The following PSMF1 variants were observed in gnomAD, a reference collection of about 807,000 sequenced individuals.
PSMF1 encodes proteasome inhibitor subunit 1.
A neutral mutation model predicts 29.3 loss-of-function variants in PSMF1; 30 were observed. The observed-to-expected ratio is 1.02, with a 90% CI of 0.77 to 1.39. PSMF1 has a LOEUF of 1.39. Among genes scored for constraint, PSMF1 ranks in the 40% most tolerant of loss-of-function variants. The pLI is 0.00. For missense variants in PSMF1, 344 were observed against 357.5 expected (o/e 0.96, Z 0.31); for synonymous variants, 134 against 139.7 (o/e 0.96, Z 0.29).
chr20:1,127,136 G>A (rs572752223), intron 2 of PSMF1, among the ~76,000 whole-genome samples: 1 of 152,170 alleles, frequency 6.6e-6, no homozygotes, highest in African/African-American at 2.4e-5. Flanking sequence ...TTGCTCACCT[G>A]CAGATCAAAG....
rs371711512 is a variant in PSMF1 at position 1,170,133 on chromosome 20, T to G, written c.*5053T>G. 4.0e-4 allele frequency among the ~76,000 whole-genome samples: 61 copies of G among 152,302 alleles called. No individual in the cohort carries two copies. The South Asian group carries it at 8.1e-3, about 20-fold the overall frequency. Reference sequence around the variant, plus strand: ...AGGGGAAGACCTACCTCCTTGTTACTCAGACCACCAGCAACAGCAGCATCA... The same window carrying G: ...AGGGGAAGACCTACCTCCTTGTTACGCAGACCACCAGCAACAGCAGCATCA... On this transcript the variant is annotated 3_prime_UTR_variant, in exon 7 of 7. Coordinates refer to ENST00000335877, the MANE Select transcript of PSMF1 (RefSeq NM_006814.5).
At chr20:1,156,294 G>A (rs1211807562) in intron 4 of PSMF1, among the ~76,000 whole-genome samples, 1 of 152,094 alleles carries the variant, frequency 6.6e-6, no homozygotes, top group East Asian at 1.9e-4. Context: ...TCTAACATTG[G>A]GGCCACTGGA....
chr20:1,138,041 T>C (rs1477250386), intron 4 of PSMF1, among the ~76,000 whole-genome samples: 1 of 152,186 alleles, frequency 6.6e-6, no homozygotes, highest in East Asian at 1.9e-4. Context: ...TATTTTTTGG[T>C]ATGTTAAAAA....
intron 1 of PSMF1, among the ~76,000 whole-genome samples, chr20:1,119,311 G>T (rs550250723): frequency 1.2e-4 from 19 of 152,188 alleles, no homozygotes; most frequent in Admixed American, 1.2e-3. Context: ...ACTCAGTTCC[G>T]CCCTCATACC....
chr20:1,124,327 C>T (rs748254691), intron 1 of PSMF1, among the ~76,000 whole-genome samples: 4 of 152,062 alleles, frequency 2.6e-5, no homozygotes, highest in East Asian at 1.9e-4. Context: ...GACATCACAA[C>T]TCACAATAAA....
intron 4 of PSMF1, among the ~76,000 whole-genome samples, chr20:1,155,454 G>A (rs935704468): frequency 3.9e-5 from 6 of 152,138 alleles, no homozygotes; most frequent in African/African-American, 1.4e-4. Flanking sequence ...ACTTGATGTT[G>A]GACACAGGCA....
At chr20:1,141,431 A>G (rs139533114) in intron 4 of PSMF1, among the ~76,000 whole-genome samples, 281 of 152,360 alleles carry the variant, frequency 1.8e-3, no homozygotes, top group African/African-American at 6.4e-3. Flanking sequence ...CCTTCAGATC[A>G]AACCATAGTC....
At chr20:1,159,374 T>A (rs1315625086) in intron 4 of PSMF1, among the ~76,000 whole-genome samples, 1 of 152,004 alleles carries the variant, frequency 6.6e-6, no homozygotes, top group Non-Finnish European at 1.5e-5. Context: ...CTGGCCAGGC[T>A]GGTCTCGAAC....
At position 1,156,826 on chromosome 20, in the gene PSMF1, A is replaced by C. The variant is rs570260585; in HGVS notation, c.552-6304A>C. Among the ~76,000 whole-genome samples the C allele has an allele frequency of 1.2e-4, 19 of 152,366 alleles. No homozygotes were observed. In the South Asian group the frequency reaches 3.3e-3, roughly 27 times the overall value. On this transcript the variant is annotated intron_variant, in intron 4 of 6. Transcript: ENST00000335877. ...ATGGAAACTTCAAACATCAGGTATA[A>C]AAGAAGAGTGGTAGAAATGGTAAAT...
chr20:1,165,711 C>A lies in PSMF1; in HGVS notation c.*631C>A. ...CCATAGGCCACAAGAATGACTTTCACAAGGGCAGGAACATTGTGGAAAGAC... is the reference window on the plus strand; with the variant it reads ...CCATAGGCCACAAGAATGACTTTCAAAAGGGCAGGAACATTGTGGAAAGAC... On this transcript the variant is annotated 3_prime_UTR_variant, in exon 7 of 7. Transcript: ENST00000335877. The A allele has an allele frequency of 5.0e-6, 5 of 1,000,906 alleles. No individual in the cohort carries two copies. Among genetic ancestry groups the A allele is most frequent in the Non-Finnish European group, 6.0e-6 (5 of 838,490 alleles). 62.0% of individuals were successfully genotyped at this position (1,000,906 alleles called of 1,614,324 possible). A position where few individuals can be genotyped will look rare whatever the true frequency, so the allele number is the denominator to read the frequency against.
intron 4 of PSMF1, among the ~76,000 whole-genome samples, chr20:1,138,538 A>G (rs1009523136): frequency 7.0e-6 from 1 of 143,554 alleles, no homozygotes; most frequent in Non-Finnish European, 1.5e-5. Context: ...AAAAAAAAAT[A>G]CAACAAAGGA....
In PSMF1 at chr20:1,166,273, G is replaced by A; in HGVS notation, c.*1193G>A. 6.2e-7 allele frequency: 1 copy of A among 1,611,208 alleles called. No homozygotes were observed. The highest frequency in any genetic ancestry group is 8.5e-7 in the Non-Finnish European group (1 of 1,178,830). On this transcript the variant is annotated 3_prime_UTR_variant, in exon 7 of 7. Coordinates refer to ENST00000335877, the MANE Select transcript of PSMF1 (RefSeq NM_006814.5). Reference sequence around the variant, plus strand: ...GCAGTGATGAGCCCTGTTCTGGAGTGGAAAGAGCACGATAGAGCACCAGGC... The same window carrying A: ...GCAGTGATGAGCCCTGTTCTGGAGTAGAAAGAGCACGATAGAGCACCAGGC...
Position 1,130,851 on chromosome 20 carries a change from C to T in PSMF1, c.365+3343C>T, listed in dbSNP as rs989783207. On this transcript the variant is annotated intron_variant, in intron 3 of 6. Transcript: ENST00000335877. ...AGAGATGAGGTCTTTGCTGTGTTGC[C>T]CTGGATCAAAACATCATTTTTTAAG... Among the ~76,000 whole-genome samples, 4 of 152,304 alleles carry T rather than the reference C, an allele frequency of 2.6e-5. No individual in the cohort carries two copies. In the South Asian group the frequency reaches 6.2e-4, roughly 24 times the overall value.
In PSMF1 at chr20:1,169,244, G is replaced by C. The variant is rs912360570; in HGVS notation, c.*4164G>C. Among the ~76,000 whole-genome samples the C allele has an allele frequency of 6.6e-6, 1 of 152,210 alleles. No homozygotes were observed. The highest frequency in any genetic ancestry group is 6.5e-5 in the Admixed American group (1 of 15,286). On this transcript the variant is annotated 3_prime_UTR_variant, in exon 7 of 7. Coordinates refer to ENST00000335877, the MANE Select transcript of PSMF1 (RefSeq NM_006814.5). ...ATCTGTCCTGGAGGGTGGGTCAAAA[G>C]GCAAGGGTGGCAGGTAGGATGGTAG...
At chr20:1,132,598 T>C (rs1387500281) in intron 3 of PSMF1, among the ~76,000 whole-genome samples, 1 of 152,168 alleles carries the variant, frequency 6.6e-6, no homozygotes, top group Non-Finnish European at 1.5e-5. Context: ...ATATAAACTT[T>C]AGAGTAAGCT....
chr20:1,122,320 C>T (rs1443397659), intron 1 of PSMF1, among the ~76,000 whole-genome samples: 3 of 135,454 alleles, frequency 2.2e-5, no homozygotes, highest in African/African-American at 8.4e-5. Flanking sequence ...TTTTTTAATC[C>T]GAGATGTCTC....
At chr20:1,139,130 G>T (rs1234408336) in intron 4 of PSMF1, among the ~76,000 whole-genome samples, 2 of 151,668 alleles carry the variant, frequency 1.3e-5, no homozygotes, top group Admixed American at 1.3e-4. Context: ...CCGAGATCAC[G>T]CCACTGCACT....
chr20:1,125,446 G>A (rs974871426), intron 1 of PSMF1, 52 bp from the exon 2 acceptor site: 7 of 1,539,216 alleles, frequency 4.5e-6, no homozygotes, highest in Admixed American at 2.0e-5. Flanking sequence ...GTTCTTTATA[G>A]TTCTGTGTTT....
chr20:1,135,421 A>G, intron 4 of PSMF1, 115 bp downstream of exon 4: 1 of 1,144,786 alleles, frequency 8.7e-7, no homozygotes, highest in South Asian at 1.6e-5. Flanking sequence ...CAACAAAATG[A>G]TCAGTGTCTT....
Sources: allele counts gnomAD v4.1 joint callset (sites outside exome capture counted in the v4.1 genomes callset), GRCh38; gene constraint gnomAD v4.1.1; transcripts MANE v1.5; gene names NCBI Gene and HGNC (gene_info 2026-07-23, HGNC 2026-07-21).